The following PXDNL variants were observed in gnomAD, a reference collection of about 807,000 sequenced individuals.
PXDNL encodes the protein peroxidasin like, also known as probable oxidoreductase PXDNL.
PXDNL carries 145 observed loss-of-function variants against 150.8 expected under a neutral mutation model. The ratio of observed to expected loss-of-function variants is 0.96; its 90% CI spans 0.84 to 1.10. PXDNL has a LOEUF of 1.10. Ranked by LOEUF, PXDNL falls within the 50% of genes least tolerant of loss-of-function variation. The pLI is 0.00. For missense variants in PXDNL, 2,087 were observed against 1,873.9 expected (o/e 1.11, Z -2.10); for synonymous variants, 757 against 725.7 (o/e 1.04, Z -0.69).
intron 1 of PXDNL, among the ~76,000 whole-genome samples, chr8:51,751,214 C>A (rs764806271): frequency 2.0e-5 from 3 of 152,122 alleles, no homozygotes; most frequent in Non-Finnish European, 2.9e-5. Context: ...AATATGTAAG[C>A]AGATCTGCTC....
At chr8:51,485,837 C>T (rs1810720142) in intron 5 of PXDNL, among the ~76,000 whole-genome samples, 2 of 152,180 alleles carry the variant, frequency 1.3e-5, no homozygotes, top group South Asian at 4.1e-4. Context: ...TTTTCTTCAA[C>T]AGTGTGCAGA....
chr8:51,649,977 C>T (rs1215043195), intron 2 of PXDNL, among the ~76,000 whole-genome samples: 1 of 151,820 alleles, frequency 6.6e-6, no homozygotes, highest in Non-Finnish European at 1.5e-5. Flanking sequence ...CTGGTGCATG[C>T]CTGTAATCCC....
intron 4 of PXDNL, among the ~76,000 whole-genome samples, chr8:51,517,543 T>TA (rs1811569913): frequency 2.0e-5 from 3 of 152,216 alleles, no homozygotes; most frequent in Non-Finnish European, 4.4e-5. Flanking sequence ...TCTAGCTTCT[T>TA]TGCCAGAGCA....
intron 2 of PXDNL, among the ~76,000 whole-genome samples, chr8:51,642,902 G>A (rs948114070): frequency 6.6e-5 from 10 of 152,074 alleles, no homozygotes; most frequent in Middle Eastern, 3.4e-3. Context: ...CCAATAACAG[G>A]CAAACAGAGA....
At chr8:51,424,436 A>G (rs1472445534) in intron 13 of PXDNL, among the ~76,000 whole-genome samples, 1 of 152,006 alleles carries the variant, frequency 6.6e-6, no homozygotes, top group Non-Finnish European at 1.5e-5. Context: ...AAAACATCAA[A>G]ATATTTTTAT....
chr8:51,466,131 A>T (rs755800993), intron 8 of PXDNL, among the ~76,000 whole-genome samples: 10 of 152,188 alleles, frequency 6.6e-5, no homozygotes, highest in Non-Finnish European at 1.5e-5. Flanking sequence ...TGGAAGCATC[A>T]CATTATCCAA....
intron 5 of PXDNL, among the ~76,000 whole-genome samples, chr8:51,490,654 AT>A (rs899133729): frequency 6.7e-6 from 1 of 149,840 alleles, no homozygotes; most frequent in Non-Finnish European, 1.5e-5. Context: ...ATACATATAT[AT>A]ACACATATAT....
At chr8:51,381,635 TTTATTTA>T (rs1356283539) in intron 17 of PXDNL, among the ~76,000 whole-genome samples, 7 of 25,286 alleles carry the variant, frequency 2.8e-4, no homozygotes, top group African/African-American at 4.5e-4. Context: ...TATTTATTTA[TTTATTTA>T]TTTATTTATT....
chr8:51,431,260 T>TA (rs1809239661), intron 12 of PXDNL, among the ~76,000 whole-genome samples: 1 of 152,276 alleles, frequency 6.6e-6, no homozygotes, highest in South Asian at 2.1e-4. Context: ...CTTTAGAAAA[T>TA]ACCTAGGAAA....
At chr8:51,410,208 A>G (rs145464216) in intron 16 of PXDNL, among the ~76,000 whole-genome samples, 1 of 152,382 alleles carries the variant, frequency 6.6e-6, no homozygotes, top group East Asian at 1.9e-4. Context: ...ATTCCCTGGC[A>G]AACGGGCAAA....
At chr8:51,803,618 G>C (rs2037644328) in intron 1 of PXDNL, among the ~76,000 whole-genome samples, 1 of 152,064 alleles carries the variant, frequency 6.6e-6, no homozygotes, top group Non-Finnish European at 1.5e-5. Flanking sequence ...TTTCCTCCAG[G>C]ACCACAGTGT....
rs142939242 is a variant in PXDNL, at chr8:51,691,865, G to A, written c.165-37105C>T. 2.1e-4 allele frequency among the ~76,000 whole-genome samples: 32 copies of A among 152,304 alleles called. No homozygotes were observed. The East Asian group carries it at 6.2e-3, about 29-fold the overall frequency. ...ATGTGTGATTCTGTACATCCATAGA[G>A]GAAGTTTCAAAGGTTGCATTTCAAA... On this transcript the variant is annotated intron_variant, in intron 1 of 22. Coordinates refer to ENST00000356297, the MANE Select transcript of PXDNL (RefSeq NM_144651.5).
At chr8:51,584,873 C>G (rs1317837066) in intron 3 of PXDNL, among the ~76,000 whole-genome samples, 1 of 151,950 alleles carries the variant, frequency 6.6e-6, no homozygotes, top group Non-Finnish European at 1.5e-5. Flanking sequence ...AGTCGCCCTT[C>G]AGAGATTTAG....
chr8:51,659,052 A>G (rs1393648917), intron 1 of PXDNL, among the ~76,000 whole-genome samples: 1 of 152,222 alleles, frequency 6.6e-6, no homozygotes, highest in Non-Finnish European at 1.5e-5. Flanking sequence ...TTTCATTTAT[A>G]TAAAATTTGT....
intron 4 of PXDNL, among the ~76,000 whole-genome samples, chr8:51,534,794 T>TGG (rs1812023972): frequency 4.6e-5 from 2 of 43,134 alleles, no homozygotes; most frequent in Admixed American, 2.4e-4. Flanking sequence ...GGGAGGGAGG[T>TGG]GGGGGGGTCA....
chr8:51,425,793 G>A lies in PXDNL; in HGVS notation c.1638+853C>T, dbSNP rs189550975. Among the ~76,000 whole-genome samples the A allele has an allele frequency of 2.3e-3, 355 of 151,750 alleles. 3 individuals are homozygous for A. Among genetic ancestry groups the A allele is most frequent in the African/African-American group, 8.4e-3 (346 of 41,390 alleles). On this transcript the variant is annotated intron_variant, in intron 13 of 22. Transcript: ENST00000356297. ...GCCGAGATCGCGCCACTGCACTCCA[G>A]CCTGGGCGACAAAGCGAGACTCCGT...
At chr8:51,559,341 C>CA (rs1369899980) in intron 3 of PXDNL, among the ~76,000 whole-genome samples, 2 of 145,748 alleles carry the variant, frequency 1.4e-5, no homozygotes, top group East Asian at 4.5e-4. Flanking sequence ...CCCCCCCCCC[C>CA]CCCGCCACCT....
intron 17 of PXDNL, among the ~76,000 whole-genome samples, chr8:51,399,829 T>G (rs988692484): frequency 6.6e-6 from 1 of 152,204 alleles, no homozygotes; most frequent in Non-Finnish European, 1.5e-5. Flanking sequence ...TATACTCTGG[T>G]GGTAAAATAG....
At chr8:51,724,753 C>G (rs1355471391) in intron 1 of PXDNL, among the ~76,000 whole-genome samples, 1 of 152,168 alleles carries the variant, frequency 6.6e-6, no homozygotes, top group African/African-American at 2.4e-5. Flanking sequence ...AGTCTGAAAG[C>G]TCTCAGCTCC....
Sources: allele counts gnomAD v4.1 joint callset (sites outside exome capture counted in the v4.1 genomes callset), GRCh38; gene constraint gnomAD v4.1.1; transcripts MANE v1.5; gene names NCBI Gene and HGNC (gene_info 2026-07-23, HGNC 2026-07-21).